ROCK1: variants seen among roughly 807,000 people sequenced by gnomAD.
ROCK1 encodes Rho associated coiled-coil containing protein kinase 1.
A neutral mutation model predicts 196.8 loss-of-function variants in ROCK1; 36 were observed. The ratio of observed to expected loss-of-function variants is 0.18; its 90% CI spans 0.14 to 0.24. The LOEUF is 0.24. Among genes scored for constraint, ROCK1 ranks in the 10% least tolerant of loss-of-function variants. The pLI is 1.00. For synonymous variants in ROCK1, 443 were observed against 515.9 expected, an observed-to-expected ratio of 0.86 and a Z score of 1.91; for missense variants, 920 against 1,562.0, an observed-to-expected ratio of 0.59 and a Z score of 6.93.
intron 8 of ROCK1, 27 bp downstream of exon 8, chr18:21,042,070 T>C (rs779525783): frequency 1.9e-6 from 3 of 1,590,714 alleles, no homozygotes; most frequent in Non-Finnish European, 1.7e-6. Context: ...TCAGAATTAA[T>C]ACAGGCTCAG....
chr18:21,005,186 C>T (rs1030653848), intron 16 of ROCK1, among the ~76,000 whole-genome samples: 11 of 152,150 alleles, frequency 7.2e-5, no homozygotes, highest in African/African-American at 2.7e-4. Context: ...TTTTTGAAAA[C>T]AAACTGAATT....
intron 16 of ROCK1, among the ~76,000 whole-genome samples, chr18:21,006,065 G>A (rs2035765811): frequency 6.6e-6 from 1 of 152,076 alleles, no homozygotes; most frequent in Non-Finnish European, 1.5e-5. Flanking sequence ...ATTGATAGAT[G>A]AGTGGATGAA....
chr18:20,981,924 G>T (rs2035536871), intron 21 of ROCK1, among the ~76,000 whole-genome samples: 1 of 152,136 alleles, frequency 6.6e-6, no homozygotes, highest in African/African-American at 2.4e-5. Context: ...TGAAAACCCA[G>T]AAAAAAGACA....
chr18:20,971,528 G>A (rs2035428277), intron 22 of ROCK1, among the ~76,000 whole-genome samples: 1 of 151,828 alleles, frequency 6.6e-6, no homozygotes, highest in Admixed American at 6.6e-5. Context: ...CATGAGGTCA[G>A]GAGTTGGAGA....
At chr18:21,016,138 A>G (rs1158188862) in intron 12 of ROCK1, among the ~76,000 whole-genome samples, 1 of 152,252 alleles carries the variant, frequency 6.6e-6, no homozygotes, top group Non-Finnish European at 1.5e-5. Flanking sequence ...ATATTTAGAG[A>G]TAGCTGTAAC....
chr18:21,053,384 T>A (rs1241791557), intron 2 of ROCK1, among the ~76,000 whole-genome samples: 1 of 152,200 alleles, frequency 6.6e-6, no homozygotes, highest in Non-Finnish European at 1.5e-5. Context: ...ACTGTTGCTG[T>A]CCTATGAGTC....
Position 21,045,456 on chromosome 18 carries a change from T to G in ROCK1, c.426A>C (p.Ala142=), listed in dbSNP as rs1334873534. 1 of 1,596,974 alleles carries G rather than the reference T, an allele frequency of 6.3e-7. No individual in the cohort carries two copies. The highest frequency in any genetic ancestry group is 8.5e-7 in the Non-Finnish European group (1 of 1,174,258). ...TGTAGAGATAACGATCATCTTGGAA[T>G]GCATAAAAAAGCTATACAAATAGAA... ...NSPWVVQLFY[A]FQDDRYLYMV... The change falls in exon 5 of 33, where the codon GCA becomes GCC. Residue 142 remains alanine, a synonymous_variant. Transcript: ENST00000399799.
At chr18:21,095,044 C>A in intron 1 of ROCK1, among the ~76,000 whole-genome samples, 1 of 128,028 alleles carries the variant, frequency 7.8e-6, no homozygotes, top group Non-Finnish European at 1.6e-5. Flanking sequence ...GAGGGAAACT[C>A]TGTCTCAAAA....
chr18:20,988,520 T>A (rs1385090308), intron 18 of ROCK1, among the ~76,000 whole-genome samples: 6 of 152,226 alleles, frequency 3.9e-5, no homozygotes, highest in Admixed American at 3.9e-4. Context: ...GCAGCGGGAA[T>A]GATCTTTTAA....
At chr18:21,029,336 T>C (rs1188860436) in intron 9 of ROCK1, among the ~76,000 whole-genome samples, 3 of 152,316 alleles carry the variant, frequency 2.0e-5, no homozygotes, top group South Asian at 4.1e-4. Flanking sequence ...AAATATAGTA[T>C]TTTTTGGTTA....
At chr18:21,107,492 C>CAACAAAATCAG (rs2036712865) in intron 1 of ROCK1, among the ~76,000 whole-genome samples, 1 of 152,118 alleles carries the variant, frequency 6.6e-6, no homozygotes, top group Admixed American at 6.5e-5. Context: ...GTATCAGTTA[C>CAACAAAATCAG]ACAAATCAAC....
At chr18:21,046,296 AGG>A (rs2036158154) in intron 4 of ROCK1, among the ~76,000 whole-genome samples, 2 of 152,194 alleles carry the variant, frequency 1.3e-5, no homozygotes, top group African/African-American at 4.8e-5. Context: ...AAACACTGTA[AGG>A]ACTATACTTC....
At chr18:20,982,316 A>C (rs1235704479) in intron 21 of ROCK1, among the ~76,000 whole-genome samples, 1 of 152,198 alleles carries the variant, frequency 6.6e-6, no homozygotes, top group Non-Finnish European at 1.5e-5. Context: ...AGCACAGATG[A>C]CCTTGGCTTA....
At chr18:21,081,043 T>G (rs2036478730) in intron 1 of ROCK1, among the ~76,000 whole-genome samples, 1 of 152,142 alleles carries the variant, frequency 6.6e-6, no homozygotes, top group African/African-American at 2.4e-5. Flanking sequence ...GAGAGAGCAC[T>G]CTATCCAGTA....
At chr18:21,058,315 C>A (rs2036261221) in intron 2 of ROCK1, among the ~76,000 whole-genome samples, 1 of 151,878 alleles carries the variant, frequency 6.6e-6, no homozygotes, top group Non-Finnish European at 1.5e-5. Flanking sequence ...ACCCTAAGAT[C>A]CTAGATTATA....
chr18:21,034,210 G>T (rs1200998939), intron 9 of ROCK1, among the ~76,000 whole-genome samples: 1 of 152,080 alleles, frequency 6.6e-6, no homozygotes, highest in East Asian at 1.9e-4. Context: ...ACATTGTTAA[G>T]ATGATAATAC....
chr18:20,992,540 A>G (rs1400683806), intron 17 of ROCK1, among the ~76,000 whole-genome samples: 2 of 152,220 alleles, frequency 1.3e-5, no homozygotes, highest in African/African-American at 4.8e-5. Flanking sequence ...ATGTACAAAG[A>G]AAATAGGAAA....
intron 20 of ROCK1, among the ~76,000 whole-genome samples, chr18:20,983,332 T>C (rs939443199): frequency 6.8e-6 from 1 of 146,928 alleles, no homozygotes; most frequent in Non-Finnish European, 1.5e-5. Flanking sequence ...CTGGTGGAAA[T>C]GAACCATCAG....
chr18:21,058,221 G>A (rs1158842385), intron 2 of ROCK1, among the ~76,000 whole-genome samples: 1 of 151,804 alleles, frequency 6.6e-6, no homozygotes, highest in Non-Finnish European at 1.5e-5. Flanking sequence ...AGATTATTCT[G>A]CCACATTTTC....
Sources: gnomAD v4.1 joint callset for allele counts (sites outside exome capture counted in the v4.1 genomes callset) on GRCh38, gnomAD v4.1.1 for gene constraint, MANE v1.5 for transcripts, NCBI Gene and HGNC (gene_info 2026-07-23, HGNC 2026-07-21) for gene names.